RIMS1: variants seen among roughly 807,000 people sequenced by gnomAD.
The protein encoded by RIMS1 is regulating synaptic membrane exocytosis 1.
In RIMS1, 83 loss-of-function variants were observed where a neutral mutation model predicts 214.1. The ratio of observed to expected loss-of-function variants is 0.39; its 90% CI spans 0.32 to 0.47. The LOEUF (loss-of-function observed/expected upper bound fraction) is 0.47. RIMS1 is among the 20% of genes least tolerant of loss of function. The pLI is 0.99. For missense variants in RIMS1, 2,050 were observed against 2,161.8 expected, an observed-to-expected ratio of 0.95 and a Z score of 1.03; for synonymous variants, 793 against 786.8, an observed-to-expected ratio of 1.01 and a Z score of -0.13.
chr6:72,033,450 A>G (rs1164345696), intron 2 of RIMS1, among the ~76,000 whole-genome samples: 3 of 152,086 alleles, frequency 2.0e-5, no homozygotes, highest in Non-Finnish European at 4.4e-5. Context: ...TTCAAAAACA[A>G]ATTTCAGTGG....
At chr6:72,120,696 C>T (rs2038092583) in intron 4 of RIMS1, among the ~76,000 whole-genome samples, 1 of 151,778 alleles carries the variant, frequency 6.6e-6, no homozygotes, top group African/African-American at 2.4e-5. Context: ...GTTGCCATTG[C>T]TTTTGGTGTT....
chr6:72,145,798 A>G (rs1450884666), intron 4 of RIMS1, among the ~76,000 whole-genome samples: 10 of 152,132 alleles, frequency 6.6e-5, no homozygotes, highest in Admixed American at 2.0e-4. Flanking sequence ...ACAAACAAAC[A>G]ACAACAAACA....
chr6:72,094,397 T>C (rs2030509798), intron 2 of RIMS1, among the ~76,000 whole-genome samples: 1 of 152,172 alleles, frequency 6.6e-6, no homozygotes, highest in Non-Finnish European at 1.5e-5. Flanking sequence ...TGCCTGTATA[T>C]ATTGCACAAA....
intron 4 of RIMS1, among the ~76,000 whole-genome samples, chr6:72,178,632 T>C (rs776030054): frequency 2.0e-5 from 3 of 152,186 alleles, no homozygotes; most frequent in Non-Finnish European, 4.4e-5. Flanking sequence ...CGATGTAAAG[T>C]CACAGCACAA....
chr6:72,020,176 GCAGT>G (rs766987363), intron 2 of RIMS1, among the ~76,000 whole-genome samples: 3 of 152,058 alleles, frequency 2.0e-5, no homozygotes, highest in Non-Finnish European at 4.4e-5. Context: ...TTTTAATATA[GCAGT>G]CAATTAGTAT....
intron 26 of RIMS1, 67 bp downstream of exon 26, chr6:72,292,113 T>A (rs2093478216): frequency 2.2e-6 from 2 of 921,028 alleles, no homozygotes; most frequent in Non-Finnish European, 3.3e-6. Flanking sequence ...TTTATACCCC[T>A]TTTATTAAAT....
At chr6:71,889,225 A>G (rs540323562) in intron 1 of RIMS1, among the ~76,000 whole-genome samples, 2 of 152,288 alleles carry the variant, frequency 1.3e-5, no homozygotes, top group South Asian at 2.1e-4. Context: ...TGTCTCAAGC[A>G]TGGTGGAGAG....
intron 1 of RIMS1, among the ~76,000 whole-genome samples, chr6:71,964,583 G>T (rs1360123209): frequency 6.6e-6 from 1 of 152,072 alleles, no homozygotes; most frequent in Non-Finnish European, 1.5e-5. Context: ...GGATGTGAGA[G>T]AAAACAAGGA....
At chr6:72,045,383 ATATT>A (rs1822701614) in intron 2 of RIMS1, among the ~76,000 whole-genome samples, 1 of 152,002 alleles carries the variant, frequency 6.6e-6, no homozygotes, top group Non-Finnish European at 1.5e-5. Flanking sequence ...TTCACCAAAC[ATATT>A]TATTATCTTA....
In RIMS1 at chr6:72,182,560, G is replaced by C. The variant is rs2153970300; in HGVS notation, c.1089G>C (p.Arg363=). Reference sequence around the variant, plus strand: ...ACCGCAGCGACCCGAACCTAGCTCGGTACCCGGTGAAACCGCCGCCTGAGG... The same window carrying C: ...ACCGCAGCGACCCGAACCTAGCTCGCTACCCGGTGAAACCGCCGCCTGAGG... ...TRYRSDPNLA[R]YPVKPPPEEQ... is the part of the protein sequence containing the mutation. Residue 363 remains arginine, a synonymous_variant, in exon 6 of 34, where the codon CGG becomes CGC. Coordinates refer to ENST00000521978, the MANE Select transcript of RIMS1 (RefSeq NM_014989.7). 1 of 1,550,968 alleles carries C rather than the reference G, an allele frequency of 6.4e-7. No homozygotes were observed. The highest frequency in any genetic ancestry group is 8.7e-7 in the Non-Finnish European group (1 of 1,147,896).
chr6:72,350,335 G>T (rs1352815142), intron 29 of RIMS1, among the ~76,000 whole-genome samples: 2 of 152,238 alleles, frequency 1.3e-5, no homozygotes, highest in East Asian at 3.9e-4. Context: ...TTTCTGAGAG[G>T]TTTGTAGCTT....
rs189544472 is a variant in RIMS1 at position 72,255,904 on chromosome 6, C to T, written c.2771-2221C>T. Among the ~76,000 whole-genome samples the T allele has an allele frequency of 2.0e-3, 307 of 151,836 alleles. 1 individual carries two copies. Among genetic ancestry groups the T allele is most frequent in the Non-Finnish European group, 3.5e-3 (241 of 67,936 alleles). On this transcript the variant is annotated intron_variant, in intron 16 of 33. Coordinates refer to ENST00000521978, the MANE Select transcript of RIMS1 (RefSeq NM_014989.7). ...TACAAAAATTAGCTGGGCCTGGTGG[C>T]GCACGCCTGTAATCCTATCTATTCA... is the stretch of plus-strand genomic sequence containing the variant.
intron 6 of RIMS1, among the ~76,000 whole-genome samples, chr6:72,198,443 T>C (rs117569089): frequency 1.9e-4 from 29 of 152,026 alleles, no homozygotes; most frequent in Non-Finnish European, 4.1e-4. Context: ...TGGGAGCTAA[T>C]AGAATTGATT....
At position 72,124,984 on chromosome 6, in the gene RIMS1, C is replaced by T. The variant is rs540120056; in HGVS notation, c.471+24998C>T. On this transcript the variant is annotated intron_variant, in intron 4 of 33. Transcript: ENST00000521978. Reference sequence around the variant, plus strand: ...ACCTTCTGAAGCCTACTTCTGTCAACTCGTCAAAGTCATTCTCTGTCCAGC... The same window carrying T: ...ACCTTCTGAAGCCTACTTCTGTCAATTCGTCAAAGTCATTCTCTGTCCAGC... Among the ~76,000 whole-genome samples, 63 of 152,336 alleles carry T rather than the reference C, an allele frequency of 4.1e-4. No homozygotes were observed. In the South Asian group the frequency reaches 0.012, roughly 30 times the overall value.
chr6:72,213,317 A>G lies in RIMS1; in HGVS notation c.1679-20456A>G, dbSNP rs374249592. The G allele has an allele frequency of 1.2e-5, 14 of 1,146,340 alleles. No homozygotes were observed. The South Asian group carries it at 2.3e-4, about 19-fold the overall frequency. The allele number at this position is 1,146,340 out of a possible 1,614,324, so 71.0% of individuals were successfully genotyped here. A position where few individuals can be genotyped will look rare whatever the true frequency, so the allele number is the denominator to read the frequency against. The stretch of plus-strand genomic sequence containing the variant: ...CCTCTGTATCTATTTTCCAGTCAAA[A>G]TATTTCTATTCTCTGTGTGTCAGGT... On this transcript the variant is annotated intron_variant, in intron 6 of 33. Transcript: ENST00000521978.
intron 1 of RIMS1, among the ~76,000 whole-genome samples, chr6:71,922,102 A>T (rs550392232): frequency 1.1e-4 from 16 of 152,268 alleles, no homozygotes; most frequent in Non-Finnish European, 2.1e-4. Context: ...CATATACATA[A>T]TGCTGTTTTT....
intron 2 of RIMS1, among the ~76,000 whole-genome samples, chr6:72,012,954 G>A (rs1811351008): frequency 6.6e-6 from 1 of 152,288 alleles, no homozygotes; most frequent in Admixed American, 6.5e-5. Flanking sequence ...TTTTGCAAAG[G>A]CATCACTGCA....
intron 2 of RIMS1, among the ~76,000 whole-genome samples, chr6:72,068,133 A>G (rs1829753282): frequency 6.6e-6 from 1 of 151,424 alleles, no homozygotes; most frequent in South Asian, 2.1e-4. Flanking sequence ...AGAAAAAAAC[A>G]TCCCACAGGG....
At position 72,041,469 on chromosome 6, in the gene RIMS1, A is replaced by G. The variant is rs117132707; in HGVS notation, c.246-55480A>G. ...TGAAGGGAGGATGCTTATCTATTAA[A>G]AAGCGGAAAAATGAGATCAAACTCT... On this transcript the variant is annotated intron_variant, in intron 2 of 33. Coordinates refer to ENST00000521978, the MANE Select transcript of RIMS1 (RefSeq NM_014989.7). Among the ~76,000 whole-genome samples, 522 of 152,068 alleles carry G rather than the reference A, an allele frequency of 3.4e-3. 4 individuals are homozygous for G. Among genetic ancestry groups the G allele is most frequent in the Non-Finnish European group, 6.4e-3 (431 of 67,850 alleles).
Sources: allele counts gnomAD v4.1 joint callset (sites outside exome capture counted in the v4.1 genomes callset), GRCh38; gene constraint gnomAD v4.1.1; transcripts MANE v1.5; gene names NCBI Gene and HGNC (gene_info 2026-07-23, HGNC 2026-07-21).